Variants in EDAR observed in about 807,000 individuals in gnomAD.
EDAR encodes the protein ectodysplasin A receptor.
A neutral mutation model predicts 51.3 loss-of-function variants in EDAR; 38 were observed. The ratio of observed to expected loss-of-function variants is 0.74; its 90% CI spans 0.57 to 0.97. The LOEUF (loss-of-function observed/expected upper bound fraction) is 0.97. Ranked by LOEUF, EDAR falls within the 50% of genes least tolerant of loss-of-function variation. The pLI, the probability that EDAR is intolerant of heterozygous loss-of-function variation, is 0.00. For synonymous variants in EDAR, 227 were observed against 242.1 expected (o/e 0.94, Z 0.58); for missense variants, 528 against 595.0 (o/e 0.89, Z 1.17).
intron 1 of EDAR, among the ~76,000 whole-genome samples, chr2:108,946,087 T>G (rs1270735559): frequency 1.3e-5 from 2 of 152,206 alleles, no homozygotes; most frequent in African/African-American, 4.8e-5. Context: ...GCTGCCAAGT[T>G]TCTGGTGACT....
intron 1 of EDAR, among the ~76,000 whole-genome samples, chr2:108,948,264 A>G (rs1697752413): frequency 1.3e-5 from 2 of 152,204 alleles, no homozygotes; most frequent in South Asian, 2.1e-4. Context: ...CCATATCACT[A>G]TTGGCATTTT....
At chr2:108,937,017 A>AGTGCTGTGCCGGGGAACAGACACG (rs1262154493) in intron 1 of EDAR, among the ~76,000 whole-genome samples, 1 of 152,200 alleles carries the variant, frequency 6.6e-6, no homozygotes, top group East Asian at 1.9e-4. Flanking sequence ...GGCCCCCCAC[A>AGTGCTGTGCCGGGGAACAGACACG]GTGCTGTGCC....
At chr2:108,943,557 A>G (rs2105477874) in intron 1 of EDAR, among the ~76,000 whole-genome samples, 1 of 152,294 alleles carries the variant, frequency 6.6e-6, no homozygotes, top group East Asian at 1.9e-4. Context: ...ACTAGTCCGA[A>G]TTATCCAGAA....
chr2:108,921,353 C>G (rs931751670), intron 5 of EDAR, among the ~76,000 whole-genome samples: 10 of 152,210 alleles, frequency 6.6e-5, no homozygotes, highest in Non-Finnish European at 5.9e-5. Flanking sequence ...AGCCAGGGGC[C>G]CTTGGCAAGT....
In EDAR at chr2:108,898,773, A is replaced by G. The variant is rs79444434; in HGVS notation, c.1025-1544T>C. Among the ~76,000 whole-genome samples, 739 of 152,360 alleles carry G rather than the reference A, an allele frequency of 4.9e-3. 7 individuals carry two copies. The highest frequency in any genetic ancestry group is 0.023 in the South Asian group (109 of 4,832). On this transcript the variant is annotated intron_variant, in intron 11 of 11. Coordinates refer to ENST00000258443, the MANE Select transcript of EDAR (RefSeq NM_022336.4). ...AAAGAAATGAAAATATTAGAACTAC[A>G]AAAGTACAATAACCACAATAAAAAG...
intron 1 of EDAR, among the ~76,000 whole-genome samples, chr2:108,976,313 G>A (rs1052012257): frequency 3.3e-5 from 5 of 152,188 alleles, no homozygotes; most frequent in African/African-American, 9.7e-5. Context: ...TGTTTTTCTC[G>A]TGACAGACTG....
At chr2:108,926,697 C>A (rs569865322) in intron 4 of EDAR, among the ~76,000 whole-genome samples, 1 of 152,210 alleles carries the variant, frequency 6.6e-6, no homozygotes, top group East Asian at 1.9e-4. Flanking sequence ...AGGAAAGCCT[C>A]GGGTGCTGCT....
rs757685532 is a variant in EDAR at position 108,907,978 on chromosome 2, C to T, written c.845G>A (p.Arg282Gln). 37 of 1,612,040 alleles carry T rather than the reference C, an allele frequency of 2.3e-5. No homozygotes were observed. The highest frequency in any genetic ancestry group is 3.3e-4 in the Middle Eastern group (2 of 6,076). The change falls in exon 10 of 12, where the codon CGG becomes CAG. Residue 282 changes from arginine to glutamine, a missense_variant. Physicochemically the swap from Arg to Gln is conservative, Grantham distance 43 (BLOSUM62 1). Transcript: ENST00000258443. ...ASSENEQLLS[R>Q]SVDSDEEPAP... Reference sequence around the variant, plus strand: ...GGGCTCCTCATCACTGTCGACGCTCCGGCTCAGCAGCTGCTCATTCTCGGA... The same window carrying T: ...GGGCTCCTCATCACTGTCGACGCTCTGGCTCAGCAGCTGCTCATTCTCGGA...
At chr2:108,934,641 A>G (rs188551524) in intron 1 of EDAR, among the ~76,000 whole-genome samples, 1 of 152,280 alleles carries the variant, frequency 6.6e-6, no homozygotes, top group Admixed American at 6.5e-5. Context: ...TTTCCATGTC[A>G]TAATATGGCA....
At chr2:108,899,312 C>A (rs1403214194) in intron 11 of EDAR, among the ~76,000 whole-genome samples, 1 of 152,188 alleles carries the variant, frequency 6.6e-6, no homozygotes, top group Non-Finnish European at 1.5e-5. Flanking sequence ...GAGTTGCATA[C>A]CAGGTTGCAG....
chr2:108,960,363 G>A (rs1698015175), intron 1 of EDAR, among the ~76,000 whole-genome samples: 1 of 152,220 alleles, frequency 6.6e-6, no homozygotes, highest in Non-Finnish European at 1.5e-5. Flanking sequence ...GGTGGTCTAT[G>A]TTCTCAAGAC....
intron 1 of EDAR, among the ~76,000 whole-genome samples, chr2:108,961,679 T>C (rs1464669081): frequency 6.6e-6 from 1 of 152,236 alleles, no homozygotes; most frequent in Admixed American, 6.5e-5. Flanking sequence ...TTCATTCTGA[T>C]GCAAGGGGCC....
chr2:108,972,057 G>A (rs1574412438), intron 1 of EDAR, among the ~76,000 whole-genome samples: 1 of 152,228 alleles, frequency 6.6e-6, no homozygotes, highest in South Asian at 2.1e-4. Flanking sequence ...GCCCGCAGAT[G>A]TTGCAGCCCA....
intron 11 of EDAR, among the ~76,000 whole-genome samples, chr2:108,904,253 C>A (rs760135282): frequency 6.6e-6 from 1 of 152,068 alleles, no homozygotes; most frequent in African/African-American, 2.4e-5. Flanking sequence ...ATTGAGACCA[C>A]AATAAGATAT....
intron 1 of EDAR, among the ~76,000 whole-genome samples, chr2:108,981,504 C>T (rs928361781): frequency 2.4e-4 from 36 of 152,322 alleles, no homozygotes; most frequent in South Asian, 1.5e-3. Flanking sequence ...CTCTAGCTCC[C>T]AGCATCCTGC....
At position 108,987,623 on chromosome 2, in the gene EDAR, C is replaced by T. The variant is rs72939937; in HGVS notation, c.-19+1337G>A. ...TTTTTCCTCCCAAAGACTGGTCCTT[C>T]CAAGATTATCCTCCAACTGTGCTGT... On this transcript the variant is annotated intron_variant, in intron 1 of 11. Transcript: ENST00000258443. Among the ~76,000 whole-genome samples, 854 of 152,356 alleles carry T rather than the reference C, an allele frequency of 5.6e-3. 5 individuals are homozygous for T. The highest frequency in any genetic ancestry group is 0.019 in the African/African-American group (784 of 41,590).
chr2:108,951,750 T>C (rs1229741525), intron 1 of EDAR, among the ~76,000 whole-genome samples: 1 of 152,120 alleles, frequency 6.6e-6, no homozygotes, highest in Non-Finnish European at 1.5e-5. Context: ...CACGAGGTTC[T>C]CTTAGATCTA....
At chr2:108,950,843 C>G (rs1041948875) in intron 1 of EDAR, among the ~76,000 whole-genome samples, 4 of 152,246 alleles carry the variant, frequency 2.6e-5, no homozygotes, top group African/African-American at 9.6e-5. Flanking sequence ...CCCTACAGAG[C>G]TGTCCTGAAC....
intron 1 of EDAR, among the ~76,000 whole-genome samples, chr2:108,949,297 TAATA>T (rs1697777844): frequency 1.3e-5 from 2 of 152,340 alleles, no homozygotes; most frequent in South Asian, 4.1e-4. Context: ...AGGCTATTTT[TAATA>T]AAAGCAATAA....
Sources: allele counts gnomAD v4.1 joint callset (sites outside exome capture counted in the v4.1 genomes callset), GRCh38; gene constraint gnomAD v4.1.1; transcripts MANE v1.5; gene names NCBI Gene and HGNC (gene_info 2026-07-23, HGNC 2026-07-21).